The following AGAP1 variants were observed in gnomAD, a reference collection of about 807,000 sequenced individuals.
The protein encoded by AGAP1 is arf-GAP with GTPase, ANK repeat and PH domain-containing protein 1.
A neutral mutation model predicts 105.3 loss-of-function variants in AGAP1; 29 were observed. The ratio of observed to expected loss-of-function variants is 0.28; its 90% CI spans 0.21 to 0.38. The LOEUF (loss-of-function observed/expected upper bound fraction) is 0.38. AGAP1 is among the 10% of genes least tolerant of loss of function. The probability of loss-of-function intolerance (pLI) is 1.00; values close to 1 mark genes in which losing one functional copy is unlikely to be tolerated. For missense variants in AGAP1, 998 were observed against 1,165.1 expected, an observed-to-expected ratio of 0.86 and a Z score of 2.09; for synonymous variants, 509 against 485.9, an observed-to-expected ratio of 1.05 and a Z score of -0.63.
Position 236,062,995 on chromosome 2 carries a change from T to G in AGAP1, c.2114+13714T>G, listed in dbSNP as rs2058245174. Among the ~76,000 whole-genome samples the G allele has an allele frequency of 6.6e-6, 1 of 152,152 alleles. No individual in the cohort carries two copies. The highest frequency in any genetic ancestry group is 2.4e-5 in the African/African-American group (1 of 41,444). Reference sequence around the variant, plus strand: ...TTTTTAAGAGATGGGGGTCTCACTATGTTGCCCAGGCAGGGATCCTGGCCT... The same window carrying G: ...TTTTTAAGAGATGGGGGTCTCACTAGGTTGCCCAGGCAGGGATCCTGGCCT... On this transcript the variant is annotated intron_variant, in intron 16 of 17. Transcript: ENST00000304032. This position sits in a 1 kb window ranked among gnomAD's most constrained non-coding sequence, Gnocchi z 4.2.
Position 235,908,688 on chromosome 2 carries a change from A to ATAC in AGAP1, c.1156-50_1156-49insTAC. The ATAC allele has an allele frequency of 4.3e-6, 6 of 1,409,748 alleles. No individual in the cohort carries two copies. Among genetic ancestry groups the ATAC allele is most frequent in the Non-Finnish European group, 4.8e-6 (5 of 1,037,572 alleles). The allele number at this position is 1,409,748 out of a possible 1,614,324, so 87.3% of individuals were successfully genotyped here. On this transcript the variant is annotated intron_variant, in intron 10 of 17. Transcript: ENST00000304032. The surrounding 1 kb of genome is among the most constrained non-coding windows in gnomAD (Gnocchi z 4.4). ...AGACCCTTTTGTTCTAGGTTGTAAAAGGTCTTTTTTTTTTTTTTATCTCTC... is the reference window on the plus strand; with the variant it reads ...AGACCCTTTTGTTCTAGGTTGTAAAATACGGTCTTTTTTTTTTTTTTATCTCTC...
At position 235,906,158 on chromosome 2, in the gene AGAP1, A is replaced by G. The variant is rs2051294745; in HGVS notation, c.1156-2580A>G. ...TCCCTGAGCCACCCTGTAAAATGAA[A>G]TGGCCAGTCACCAGCCTCGGGTGGC... On this transcript the variant is annotated intron_variant, in intron 10 of 17. Transcript: ENST00000304032. This position sits in a 1 kb window ranked among gnomAD's most constrained non-coding sequence, Gnocchi z 5.3. 6.6e-6 allele frequency among the ~76,000 whole-genome samples: 1 copy of G among 152,060 alleles called. No homozygotes were observed. The highest frequency in any genetic ancestry group is 2.4e-5 in the African/African-American group (1 of 41,422).
rs1452624165 is a variant in AGAP1, at chr2:236,114,942, C to T, written c.2115-5250C>T. On this transcript the variant is annotated intron_variant, in intron 16 of 17. Coordinates refer to ENST00000304032, the MANE Select transcript of AGAP1 (RefSeq NM_001037131.3). The surrounding 1 kb of genome is among the most constrained non-coding windows in gnomAD (Gnocchi z 5.0). ...TTAAACCAGCCAGACTCCTTCTTACCCCAGAGTCTCAGGATCCTCTGCACC... is the reference window on the plus strand; with the variant it reads ...TTAAACCAGCCAGACTCCTTCTTACTCCAGAGTCTCAGGATCCTCTGCACC... Among the ~76,000 whole-genome samples the T allele has an allele frequency of 6.6e-6, 1 of 152,154 alleles. No homozygotes were observed. Among genetic ancestry groups the T allele is most frequent in the East Asian group, 1.9e-4 (1 of 5,186 alleles).
In AGAP1 at chr2:235,961,706, G is replaced by A. The variant is rs2054193358; in HGVS notation, c.1484-6756G>A. 2.6e-5 allele frequency among the ~76,000 whole-genome samples: 4 copies of A among 152,170 alleles called. No individual in the cohort carries two copies. The highest frequency in any genetic ancestry group is 4.4e-5 in the Non-Finnish European group (3 of 68,024). On this transcript the variant is annotated intron_variant, in intron 12 of 17. Transcript: ENST00000304032. The surrounding 1 kb of genome is among the most constrained non-coding windows in gnomAD (Gnocchi z 5.9). The stretch of plus-strand genomic sequence containing the variant: ...GGATGGATCATGAGGTCAAGAGATC[G>A]AGACCATCCTGGCCAACATGTTGAA...
Position 235,792,024 on chromosome 2 carries a change from T to A in AGAP1, c.674-5735T>A, listed in dbSNP as rs1332775879. 1.3e-5 allele frequency among the ~76,000 whole-genome samples: 2 copies of A among 152,192 alleles called. No individual in the cohort carries two copies. Among genetic ancestry groups the A allele is most frequent in the Non-Finnish European group, 2.9e-5 (2 of 68,036 alleles). ...TCATCAGTGTGTCTATGGTGAGCAT[T>A]TAAAATACGGTTTTATTGGAGGTGT... is the stretch of plus-strand genomic sequence containing the variant. On this transcript the variant is annotated intron_variant, in intron 6 of 17. Transcript: ENST00000304032. The surrounding 1 kb of genome is among the most constrained non-coding windows in gnomAD (Gnocchi z 5.3).
chr2:235,780,059 A>C (rs1956161161), intron 6 of AGAP1, among the ~76,000 whole-genome samples: 1 of 152,220 alleles, frequency 6.6e-6, no homozygotes, highest in African/African-American at 2.4e-5. Flanking sequence ...TGGTATCACC[A>C]CGTTAGCCTA....
At chr2:235,836,359 G>A (rs1336597166) in intron 9 of AGAP1, among the ~76,000 whole-genome samples, 1 of 152,164 alleles carries the variant, frequency 6.6e-6, no homozygotes. Flanking sequence ...TGCTGGTGAT[G>A]GCCCTGCAGA....
At position 235,961,863 on chromosome 2, in the gene AGAP1, G is replaced by C. The variant is rs934147947; in HGVS notation, c.1484-6599G>C. 6.6e-6 allele frequency among the ~76,000 whole-genome samples: 1 copy of C among 152,148 alleles called. No homozygotes were observed. The highest frequency in any genetic ancestry group is 2.4e-5 in the African/African-American group (1 of 41,442). ...CAGCCTGGTGACAGAGCAAGACTTCGTCACACACACGCACAAAAAAGTGAG... is the reference window on the plus strand; with the variant it reads ...CAGCCTGGTGACAGAGCAAGACTTCCTCACACACACGCACAAAAAAGTGAG... On this transcript the variant is annotated intron_variant, in intron 12 of 17. Transcript: ENST00000304032. This position sits in a 1 kb window ranked among gnomAD's most constrained non-coding sequence, Gnocchi z 5.9.
At chr2:235,956,775 T>C (rs73130469) in intron 12 of AGAP1, among the ~76,000 whole-genome samples, 1,784 of 152,226 alleles carry the variant, frequency 0.012, 29 homozygotes, top group African/African-American at 0.033. Flanking sequence ...TCCTGGTAGG[T>C]GGCTGGAGGC....
chr2:235,833,182 T>C (rs1412296387), intron 9 of AGAP1, among the ~76,000 whole-genome samples: 3 of 152,130 alleles, frequency 2.0e-5, no homozygotes, highest in Non-Finnish European at 4.4e-5. Context: ...GCGCTCTCCA[T>C]TGGAGCAGTG....
rs138106760 is a variant in AGAP1, at chr2:235,742,199, A to G, written c.396+1151A>G. ...TAGGATTGTAAGATGGAGAAAGTGAAAGATACTGAATACAGGACTTCTTAG... is the reference window on the plus strand; with the variant it reads ...TAGGATTGTAAGATGGAGAAAGTGAGAGATACTGAATACAGGACTTCTTAG... On this transcript the variant is annotated intron_variant, in intron 4 of 17. Transcript: ENST00000304032. 3.3e-3 allele frequency among the ~76,000 whole-genome samples: 504 copies of G among 152,322 alleles called. 2 individuals carry two copies. The highest frequency in any genetic ancestry group is 5.4e-3 in the Non-Finnish European group (368 of 68,032).
intron 13 of AGAP1, among the ~76,000 whole-genome samples, 178 bp downstream of exon 13, chr2:235,968,801 T>A (rs992733787): frequency 6.6e-6 from 1 of 152,202 alleles, no homozygotes; most frequent in Non-Finnish European, 1.5e-5. Flanking sequence ...TTCATCACTG[T>A]CTGATTCTCA....
chr2:235,978,194 A>G (rs2054938433), intron 13 of AGAP1, among the ~76,000 whole-genome samples: 1 of 152,176 alleles, frequency 6.6e-6, no homozygotes, highest in South Asian at 2.1e-4. Flanking sequence ...TAGAGCTACA[A>G]CATGTGAATT....
intron 9 of AGAP1, among the ~76,000 whole-genome samples, chr2:235,835,307 G>C (rs957405535): frequency 1.3e-5 from 2 of 152,276 alleles, no homozygotes; most frequent in African/African-American, 4.8e-5. Flanking sequence ...ACCCTGGTCT[G>C]GTCTCAGATA....
chr2:235,589,227 CG>C (rs1945249386), intron 1 of AGAP1, among the ~76,000 whole-genome samples: 1 of 49,180 alleles, frequency 2.0e-5, no homozygotes, highest in Non-Finnish European at 3.9e-5. Flanking sequence ...TTTTTTGAGA[CG>C]GAGTTTCGTT....
Position 235,817,214 on chromosome 2 carries a change from C to T in AGAP1, c.1050+9883C>T, listed in dbSNP as rs201238469. ...CCAGACACATTTTCCCAGAAATGGT[C>T]AGGAAGGCCCAGACTGTGCACTCTG... On this transcript the variant is annotated intron_variant, in intron 9 of 17. Coordinates refer to ENST00000304032, the MANE Select transcript of AGAP1 (RefSeq NM_001037131.3). Among the ~76,000 whole-genome samples, 3 of 152,112 alleles carry T rather than the reference C, an allele frequency of 2.0e-5. No individual in the cohort carries two copies. In the South Asian group the frequency reaches 6.2e-4, roughly 32 times the overall value.
In AGAP1 at chr2:236,115,805, T is replaced by TTTTTGTTTTGTTTTG. The variant is rs55996752; in HGVS notation, c.2115-4383_2115-4369dup. Among the ~76,000 whole-genome samples the TTTTTGTTTTGTTTTG allele has an allele frequency of 9.8e-4, 149 of 151,546 alleles. 2 individuals carry two copies. The highest frequency in any genetic ancestry group is 1.4e-3 in the Admixed American group (21 of 15,222). On this transcript the variant is annotated intron_variant, in intron 16 of 17. Coordinates refer to ENST00000304032, the MANE Select transcript of AGAP1 (RefSeq NM_001037131.3). The stretch of plus-strand genomic sequence containing the variant: ...CAGAAGTCAGCATTGAAAGCTTCTG[T>TTTTTGTTTTGTTTTG]TTTTGTTTTGTTTTGTTTAGACAGA...
chr2:235,738,912 G>A (rs550178094), intron 3 of AGAP1, among the ~76,000 whole-genome samples: 2 of 152,268 alleles, frequency 1.3e-5, no homozygotes, highest in East Asian at 3.9e-4. Context: ...CCAAGATACA[G>A]CAGGTTTCCA....
Position 235,750,394 on chromosome 2 carries a change from C to G in AGAP1, c.579C>G (p.Ala193=), listed in dbSNP as rs750862874. 6.2e-7 allele frequency: 1 copy of G among 1,614,180 alleles called. No individual in the cohort carries two copies. Among genetic ancestry groups the G allele is most frequent in the South Asian group, 1.1e-5 (1 of 91,078 alleles). Residue 193 remains alanine, a synonymous_variant, in exon 6 of 18, where the codon GCC becomes GCG. Coordinates refer to ENST00000304032, the MANE Select transcript of AGAP1 (RefSeq NM_001037131.3). This position sits in a 1 kb window ranked among gnomAD's most constrained non-coding sequence, Gnocchi z 5.3. ...CTAACCCGAGGGTCATCGATGACGC[C>G]AGGGCGAGGAAGCTCTCCAACGACC... ...SSANPRVIDD[A]RARKLSNDLK... is the part of the protein sequence containing the mutation.
Sources: allele counts gnomAD v4.1 joint callset (sites outside exome capture counted in the v4.1 genomes callset), GRCh38; gene constraint gnomAD v4.1.1; non-coding constraint Gnocchi (gnomAD v3.1); transcripts MANE v1.5; gene names NCBI Gene and HGNC (gene_info 2026-07-23, HGNC 2026-07-21).